GTF2IRD1: variants seen among roughly 807,000 people sequenced by gnomAD.
The protein encoded by GTF2IRD1 is general transcription factor II-I repeat domain-containing protein 1.
In GTF2IRD1, 26 loss-of-function variants were observed where a neutral mutation model predicts 113.2. The observed-to-expected ratio is 0.23, with a 90% CI of 0.17 to 0.32. GTF2IRD1 has a LOEUF of 0.32. GTF2IRD1 is among the 10% of genes least tolerant of loss of function. The probability of loss-of-function intolerance (pLI) is 1.00; values close to 1 mark genes in which losing one functional copy is unlikely to be tolerated. For synonymous variants in GTF2IRD1, 484 were observed against 529.1 expected (o/e 0.91, Z 1.17); for missense variants, 864 against 1,280.8 (o/e 0.67, Z 4.97).
chr7:74,546,804 G>A (rs1282513480), intron 16 of GTF2IRD1, among the ~76,000 whole-genome samples: 5 of 152,208 alleles, frequency 3.3e-5, no homozygotes, highest in Admixed American at 1.3e-4. Context: ...GGTGGCTTCT[G>A]TACTGCCTGG....
At chr7:74,510,531 A>C (rs1796566308) in intron 2 of GTF2IRD1, among the ~76,000 whole-genome samples, 1 of 146,908 alleles carries the variant, frequency 6.8e-6, no homozygotes, top group Admixed American at 6.8e-5. Flanking sequence ...CTGGTCTCAA[A>C]CTCCTGACCT....
At chr7:74,564,209 T>A (rs1554359953) in intron 22 of GTF2IRD1, among the ~76,000 whole-genome samples, 1 of 152,090 alleles carries the variant, frequency 6.6e-6, no homozygotes, top group African/African-American at 2.4e-5. Context: ...GTATTTTGAG[T>A]AGAGACGGGG....
At chr7:74,548,451 G>A (rs1248131496) in intron 17 of GTF2IRD1, among the ~76,000 whole-genome samples, 1 of 151,920 alleles carries the variant, frequency 6.6e-6, no homozygotes, top group Non-Finnish European at 1.5e-5. Context: ...TTTGGAGAAG[G>A]TGGTGGCAGT....
intron 1 of GTF2IRD1, among the ~76,000 whole-genome samples, chr7:74,486,031 C>T (rs1311466361): frequency 2.0e-5 from 3 of 151,778 alleles, no homozygotes; most frequent in African/African-American, 7.3e-5. Flanking sequence ...AGTACGGTGG[C>T]ATGATCTTGG....
chr7:74,463,480 C>A (rs887327504), intron 1 of GTF2IRD1, among the ~76,000 whole-genome samples: 3 of 151,964 alleles, frequency 2.0e-5, no homozygotes, highest in African/African-American at 7.2e-5. Context: ...AGTGATCCCA[C>A]AACCTCAGCT....
chr7:74,557,552 C>G, intron 19 of GTF2IRD1, 87 bp from the exon 20 acceptor site: 1 of 845,736 alleles, frequency 1.2e-6, no homozygotes, highest in Non-Finnish European at 1.9e-6. Flanking sequence ...AAGGAGTTCC[C>G]CATAATTAGA....
Position 74,515,352 on chromosome 7 carries a change from A to C in GTF2IRD1, c.266-89A>C, listed in dbSNP as rs1189387876. On this transcript the variant is annotated intron_variant, in intron 3 of 26. Transcript: ENST00000424337. ...TATCACATTGTGTGCCAGTCTCCGC[A>C]GCTCAGCACAGGGCAGCGACATCCC... 7 of 1,537,450 alleles carry C rather than the reference A, an allele frequency of 4.6e-6. No individual in the cohort carries two copies. The African/African-American group carries it at 9.6e-5, about 21-fold the overall frequency.
Position 74,555,246 on chromosome 7 carries a change from C to A in GTF2IRD1, c.1966+23C>A. On this transcript the variant is annotated intron_variant, in intron 18 of 26. Coordinates refer to ENST00000424337, the MANE Select transcript of GTF2IRD1 (RefSeq NM_005685.4). This position sits in a 1 kb window ranked among gnomAD's most constrained non-coding sequence, Gnocchi z 5.3. The stretch of plus-strand genomic sequence containing the variant: ...AAGGTACCCAGCGCGGGGTCGGGAG[C>A]CATGGTGTGGGCGGGCAAGGGAGGG... 1 of 1,609,740 alleles carries A rather than the reference C, an allele frequency of 6.2e-7. No individual in the cohort carries two copies. Among genetic ancestry groups the A allele is most frequent in the Non-Finnish European group, 8.5e-7 (1 of 1,177,118 alleles).
intron 10 of GTF2IRD1, among the ~76,000 whole-genome samples, chr7:74,535,729 G>A (rs1798253833): frequency 1.3e-5 from 2 of 152,194 alleles, no homozygotes. Context: ...GCAAGGTCTT[G>A]TGGGCTTCAG....
At chr7:74,508,586 G>T (rs113642440) in intron 2 of GTF2IRD1, among the ~76,000 whole-genome samples, 1 of 151,790 alleles carries the variant, frequency 6.6e-6, no homozygotes, top group Non-Finnish European at 1.5e-5. Context: ...AGCTACTTGG[G>T]AGGCTGAGGC....
At chr7:74,494,905 C>G (rs1795568456) in intron 1 of GTF2IRD1, among the ~76,000 whole-genome samples, 1 of 152,156 alleles carries the variant, frequency 6.6e-6, no homozygotes. Context: ...GTATGCACTA[C>G]CATGCCTAGC....
In GTF2IRD1 at chr7:74,538,146, G is replaced by A. The variant is rs1554350660; in HGVS notation, c.1420G>A (p.Gly474Ser). Reference protein sequence around the residue: ...DLAGNARSDKGSMSEDCGPGT... With the variant: ...DLAGNARSDKSSMSEDCGPGT... ...TGCTTCCCTTCACAGGTCAGACAAG[G>A]GCAGCATGTCTGAAGACTGTGGGCC... Residue 474 changes from glycine to serine, a missense_variant, in exon 12 of 27, where the codon GGC becomes AGC. Physicochemically the swap from Gly to Ser is moderately conservative, Grantham distance 56. Transcript: ENST00000424337. The A allele has an allele frequency of 2.5e-6, 4 of 1,612,352 alleles. No individual in the cohort carries two copies. In the Admixed American group the frequency reaches 5.0e-5, roughly 20 times the overall value.
Position 74,536,278 on chromosome 7 carries a change from G to A in GTF2IRD1, c.1409+3G>A, listed in dbSNP as rs1554350181. The A allele has an allele frequency of 1.3e-6, 2 of 1,577,166 alleles. No individual in the cohort carries two copies. The highest frequency in any genetic ancestry group is 1.7e-5 in the Admixed American group (1 of 59,936). On this transcript the variant is annotated splice_donor_region_variant and intron_variant, in intron 11 of 26. Coordinates refer to ENST00000424337, the MANE Select transcript of GTF2IRD1 (RefSeq NM_005685.4). ...CTTGACCTTGCTGGGAATGCTCGGT[G>A]AGGCCCCGCCCCTGGCCCCGGAGGC...
At chr7:74,507,829 G>A (rs1351229242) in intron 1 of GTF2IRD1, among the ~76,000 whole-genome samples, 2 of 152,196 alleles carry the variant, frequency 1.3e-5, no homozygotes, top group Non-Finnish European at 2.9e-5. Flanking sequence ...CTGGTGCTGG[G>A]CTCAGCTTGG....
rs547502375 is a variant in GTF2IRD1 at position 74,512,060 on chromosome 7, C to T, written c.124-770C>T. ...GGCTGCTTGTCCCCAATTCTATAGA[C>T]GTGGAAACTGGCCACGCAGAGTGGC... On this transcript the variant is annotated intron_variant, in intron 2 of 26. Transcript: ENST00000424337. The surrounding 1 kb of genome is among the most constrained non-coding windows in gnomAD (Gnocchi z 4.4). 1.8e-4 allele frequency among the ~76,000 whole-genome samples: 28 copies of T among 152,186 alleles called. No individual in the cohort carries two copies. The South Asian group carries it at 4.1e-3, about 23-fold the overall frequency.
rs1008279411 is a variant in GTF2IRD1 at position 74,535,212 on chromosome 7, C to A, written c.1300+74C>A. ...CAACAGAACCCGAGCTGCCACCACCCTGGACTTGGTCCTCCTGAGCGCCTC... is the reference window on the plus strand; with the variant it reads ...CAACAGAACCCGAGCTGCCACCACCATGGACTTGGTCCTCCTGAGCGCCTC... On this transcript the variant is annotated intron_variant, in intron 10 of 26. Coordinates refer to ENST00000424337, the MANE Select transcript of GTF2IRD1 (RefSeq NM_005685.4). 29 of 1,213,952 alleles carry A rather than the reference C, an allele frequency of 2.4e-5. No homozygotes were observed. The African/African-American group carries it at 4.2e-4, about 17-fold the overall frequency. The allele number at this position is 1,213,952 out of a possible 1,614,324, so 75.2% of individuals were successfully genotyped here.
chr7:74,512,536 G>A lies in GTF2IRD1; in HGVS notation c.124-294G>A, dbSNP rs782036044. Among the ~76,000 whole-genome samples, 3 of 152,124 alleles carry A rather than the reference G, an allele frequency of 2.0e-5. No homozygotes were observed. Among genetic ancestry groups the A allele is most frequent in the Non-Finnish European group, 4.4e-5 (3 of 68,012 alleles). On this transcript the variant is annotated intron_variant, in intron 2 of 26. Transcript: ENST00000424337. The surrounding 1 kb of genome is among the most constrained non-coding windows in gnomAD (Gnocchi z 4.4). ...GAGAGGGGCCAAGAAAACCCAGCAC[G>A]GCATTGTCCCTGGGGCTGGGGCTAA...
chr7:74,562,226 G>A (rs1800011576), intron 22 of GTF2IRD1, among the ~76,000 whole-genome samples: 1 of 152,224 alleles, frequency 6.6e-6, no homozygotes, highest in Non-Finnish European at 1.5e-5. Context: ...GCTGGGGTCT[G>A]CTGGGGGAGG....
In GTF2IRD1 at chr7:74,579,344, G is replaced by A. The variant is rs587642965; in HGVS notation, c.2321-10507G>A. On this transcript the variant is annotated intron_variant, in intron 22 of 26. Coordinates refer to ENST00000424337, the MANE Select transcript of GTF2IRD1 (RefSeq NM_005685.4). The stretch of plus-strand genomic sequence containing the variant: ...AAAAGGAAGAGGAAGAAGGCCAGGC[G>A]CAGTGGCTCATGCCCGTAATCCCAG... Among the ~76,000 whole-genome samples, 148 of 152,140 alleles carry A rather than the reference G, an allele frequency of 9.7e-4. 1 individual carries two copies. The highest frequency in any genetic ancestry group is 3.3e-3 in the African/African-American group (136 of 41,508).
Sources: allele counts gnomAD v4.1 joint callset (sites outside exome capture counted in the v4.1 genomes callset), GRCh38; gene constraint gnomAD v4.1.1; non-coding constraint Gnocchi (gnomAD v3.1); transcripts MANE v1.5; gene names NCBI Gene and HGNC (gene_info 2026-07-23, HGNC 2026-07-21).